The following NDUFAF6 variants were observed in gnomAD, a reference collection of about 807,000 sequenced individuals.
NDUFAF6 encodes NADH dehydrogenase (ubiquinone) complex I, assembly factor 6.
NDUFAF6 carries 45 observed loss-of-function variants against 40.8 expected under a neutral mutation model. The ratio of observed to expected loss-of-function variants is 1.10; its 90% CI spans 0.87 to 1.42. NDUFAF6 has a LOEUF of 1.42. NDUFAF6 is among the 40% of genes most tolerant of loss of function. The probability of loss-of-function intolerance (pLI) is 0.00; values close to 1 mark genes in which losing one functional copy is unlikely to be tolerated. For missense variants in NDUFAF6, 435 were observed against 418.5 expected (o/e 1.04, Z -0.34); for synonymous variants, 185 against 155.9 (o/e 1.19, Z -1.39).
Position 95,058,500 on chromosome 8 carries a change from T to G in NDUFAF6, c.*563T>G. ...AATTTATCCATGATAATAACATAAC[T>G]TCTTTAAGGTTGGAGTGGCTGGCAA... On this transcript the variant is annotated 3_prime_UTR_variant, in exon 9 of 9. Coordinates refer to ENST00000396124, the MANE Select transcript of NDUFAF6 (RefSeq NM_152416.4). The G allele has an allele frequency of 8.2e-7, 1 of 1,226,918 alleles. No individual in the cohort carries two copies. The highest frequency in any genetic ancestry group is 1.0e-6 in the Non-Finnish European group (1 of 985,480). The allele number at this position is 1,226,918 out of a possible 1,614,324, so 76.0% of individuals were successfully genotyped here.
In NDUFAF6 at chr8:94,997,556, A is replaced by T. The variant is rs1193315892; in HGVS notation, c.-84+16583A>T. 4.6e-5 allele frequency among the ~76,000 whole-genome samples: 7 copies of T among 152,302 alleles called. No homozygotes were observed. In the East Asian group the frequency reaches 1.2e-3, roughly 25 times the overall value. On this transcript the variant is annotated intron_variant, in intron 2 of 9. Coordinates refer to the NDUFAF6 transcript ENST00000396111. Reference sequence around the variant, plus strand: ...TTACTGGGTTTTAAAAAGTCTGAAGATCTCCACAGCCATTCTTGTTCCAAC... The same window carrying T: ...TTACTGGGTTTTAAAAAGTCTGAAGTTCTCCACAGCCATTCTTGTTCCAAC...
chr8:94,956,719 T>A (rs1420090113), upstream of NDUFAF6, among the ~76,000 whole-genome samples: 1 of 152,138 alleles, frequency 6.6e-6, no homozygotes, highest in Non-Finnish European at 1.5e-5. Context: ...AGGACCAGGA[T>A]GGCAGCAGTG....
intron 2 of NDUFAF6, among the ~76,000 whole-genome samples, chr8:95,082,683 G>A (rs1808909874): frequency 6.6e-6 from 1 of 151,338 alleles, no homozygotes; most frequent in Non-Finnish European, 1.5e-5. Flanking sequence ...TTTTTGAGAC[G>A]GAGTCTCGCT....
At chr8:95,109,746 C>T (rs976319017) in intron 4 of NDUFAF6, among the ~76,000 whole-genome samples, 4 of 152,080 alleles carry the variant, frequency 2.6e-5, no homozygotes, top group African/African-American at 7.2e-5. Context: ...CTTATAAGGA[C>T]CTTTGTGATT....
upstream of NDUFAF6, among the ~76,000 whole-genome samples, chr8:95,020,924 G>C (rs140699677): frequency 4.8e-3 from 732 of 152,242 alleles, 6 homozygotes; most frequent in African/African-American, 0.016. Flanking sequence ...GTTTAATTAG[G>C]TGTTTGGGGG....
intron 1 of NDUFAF6, among the ~76,000 whole-genome samples, chr8:94,933,840 G>C (rs575791548): frequency 4.0e-5 from 6 of 148,602 alleles, no homozygotes; most frequent in East Asian, 2.0e-4. Context: ...TTTGTGGGGG[G>C]GGGGGGAGGA....
chr8:95,051,835 G>A (rs1174625609), intron 7 of NDUFAF6, among the ~76,000 whole-genome samples: 1 of 152,148 alleles, frequency 6.6e-6, no homozygotes, highest in Non-Finnish European at 1.5e-5. Context: ...AGGAGAGAAA[G>A]TCAGTCTAAG....
At chr8:95,031,552 G>A (rs117966564) in intron 1 of NDUFAF6, among the ~76,000 whole-genome samples, 2,245 of 152,250 alleles carry the variant, frequency 0.015, 21 homozygotes, top group South Asian at 0.027. Context: ...TTTAAGGAAC[G>A]GTTATAAAAA....
chr8:95,082,879 T>C (rs7014866), intron 2 of NDUFAF6, among the ~76,000 whole-genome samples: 132,493 of 152,146 alleles, frequency 0.87, 58,023 homozygotes, highest in East Asian at 1. Context: ...CCGGGATGGT[T>C]TCGATCTCCT....
At chr8:95,031,457 C>T (rs1828829070) in intron 1 of NDUFAF6, among the ~76,000 whole-genome samples, 1 of 152,118 alleles carries the variant, frequency 6.6e-6, no homozygotes, top group African/African-American at 2.4e-5. Flanking sequence ...AAAAGTGATT[C>T]TGAAACAGTT....
chr8:94,972,153 T>C (rs1824519970), intron 1 of NDUFAF6, among the ~76,000 whole-genome samples: 2 of 152,232 alleles, frequency 1.3e-5, no homozygotes, highest in South Asian at 4.1e-4. Context: ...AAAGCTACTT[T>C]CTGAAAAGTC....
chr8:94,992,448 C>T (rs1427555529), intron 2 of NDUFAF6, among the ~76,000 whole-genome samples: 1 of 152,050 alleles, frequency 6.6e-6, no homozygotes, highest in African/African-American at 2.4e-5. Context: ...GATTGCACCA[C>T]TGTACTCCAG....
chr8:95,076,873 CA>C (rs35168202), downstream of NDUFAF6, among the ~76,000 whole-genome samples: 802 of 128,952 alleles, frequency 6.2e-3, 6 homozygotes, highest in African/African-American at 0.021. Context: ...AACTCCGTCT[CA>C]AAAAAAAAAA....
chr8:95,034,171 C>A, intron 2 of NDUFAF6: 1 of 435,402 alleles, frequency 2.3e-6, no homozygotes, highest in South Asian at 1.6e-5. Flanking sequence ...AATATTTTGT[C>A]CCATTTGCGT....
At chr8:94,939,115 G>A (rs1470716424) in intron 1 of NDUFAF6, among the ~76,000 whole-genome samples, 2 of 152,182 alleles carry the variant, frequency 1.3e-5, no homozygotes, top group Admixed American at 6.5e-5. Flanking sequence ...GAGTATTGCA[G>A]GAAGAAACTG....
intron 2 of NDUFAF6, chr8:94,945,769 A>G (rs1217165604): frequency 2.0e-5 from 3 of 152,278 alleles, no homozygotes; most frequent in Admixed American, 6.5e-5. Context: ...TCTGGAATTC[A>G]GCAAAGAGGT....
chr8:95,106,401 A>G (rs940832619), downstream of NDUFAF6, among the ~76,000 whole-genome samples: 1 of 152,200 alleles, frequency 6.6e-6, no homozygotes, highest in Non-Finnish European at 1.5e-5. Context: ...CTATTTAATA[A>G]ATGGTGTTGG....
At chr8:95,047,705 TTCACCATGTTAGCCAGGA>T (rs947420768) in intron 6 of NDUFAF6, among the ~76,000 whole-genome samples, 1 of 151,722 alleles carries the variant, frequency 6.6e-6, no homozygotes, top group Non-Finnish European at 1.5e-5. Context: ...GAGATGAGGT[TTCACCATGTTAGCCAGGA>T]TGGTCTAGAT....
At chr8:95,020,854 G>A (rs1827665806), upstream of NDUFAF6, among the ~76,000 whole-genome samples, 1 of 152,172 alleles carries the variant, frequency 6.6e-6, no homozygotes, top group Non-Finnish European at 1.5e-5. Context: ...AAAACTGGGG[G>A]AACAACTCTT....
Sources: gnomAD v4.1 joint callset for allele counts (sites outside exome capture counted in the v4.1 genomes callset) on GRCh38, gnomAD v4.1.1 for gene constraint, MANE v1.5 for transcripts, NCBI Gene and HGNC (gene_info 2026-07-23, HGNC 2026-07-21) for gene names.